The following SLC4A1AP variants were observed in gnomAD, a reference collection of about 807,000 sequenced individuals.
SLC4A1AP encodes the protein solute carrier family 4 member 1 adaptor protein.
In SLC4A1AP, 64 loss-of-function variants were observed where a neutral mutation model predicts 89.7. The ratio of observed to expected loss-of-function variants is 0.71; its 90% CI spans 0.58 to 0.88. SLC4A1AP has a LOEUF of 0.88. Ranked by LOEUF, SLC4A1AP falls within the 40% of genes least tolerant of loss-of-function variation. The probability of loss-of-function intolerance (pLI) is 0.00; values close to 1 mark genes in which losing one functional copy is unlikely to be tolerated. For synonymous variants in SLC4A1AP, 366 were observed against 353.3 expected, an observed-to-expected ratio of 1.04 and a Z score of -0.40; for missense variants, 931 against 965.0, an observed-to-expected ratio of 0.96 and a Z score of 0.47.
intron 10 of SLC4A1AP, 86 bp from the exon 11 acceptor site, chr2:27,687,848 C>T: frequency 1.0e-6 from 1 of 965,704 alleles, no homozygotes; most frequent in Non-Finnish European, 1.6e-6. Context: ...TACTTAGCTT[C>T]TCTTTCTCTT....
chr2:27,679,778 A>T (rs931141802), intron 8 of SLC4A1AP, among the ~76,000 whole-genome samples: 9 of 152,194 alleles, frequency 5.9e-5, no homozygotes, highest in Non-Finnish European at 1.3e-4. Flanking sequence ...GGAAGAATAC[A>T]TAGATAAGTA....
Position 27,688,729 on chromosome 2 carries a change from G to C in SLC4A1AP, c.2233G>C (p.Gly745Arg), listed in dbSNP as rs749568068. ...AAAGAATGAATATGAGAAAAGCAGA[G>C]GTGAATTGAAGAAAAAGAAAACACC... The change falls in exon 12 of 14, where the codon GGT (glycine) becomes CGT (arginine). Residue 745 changes from glycine (G) to arginine (R), a missense_variant. Transcript: ENST00000613058. The C allele has an allele frequency of 6.2e-6, 10 of 1,603,584 alleles. No homozygotes were observed. The South Asian group carries it at 6.8e-5, about 11-fold the overall frequency.
chr2:27,667,424 C>G (rs538920387), intron 3 of SLC4A1AP, 34 bp downstream of exon 3: 1 of 1,596,694 alleles, frequency 6.3e-7, no homozygotes, highest in South Asian at 1.1e-5. Flanking sequence ...ACCACTAAAA[C>G]ATATCCAGAG....
At chr2:27,672,311 T>G (rs903617801) in intron 5 of SLC4A1AP, among the ~76,000 whole-genome samples, 1 of 150,538 alleles carries the variant, frequency 6.6e-6, no homozygotes, top group African/African-American at 2.5e-5. Context: ...TTCTTCTTTT[T>G]TTCATCTGTA....
At chr2:27,684,855 T>C (rs1558509492) in intron 9 of SLC4A1AP, among the ~76,000 whole-genome samples, 182 bp from the exon 10 acceptor site, 1 of 152,308 alleles carries the variant, frequency 6.6e-6, no homozygotes, top group Middle Eastern at 3.4e-3. Context: ...TAAAGACACT[T>C]GTTTAGGGTC....
At chr2:27,687,429 A>G (rs961086168) in intron 10 of SLC4A1AP, among the ~76,000 whole-genome samples, 5 of 149,020 alleles carry the variant, frequency 3.4e-5, no homozygotes, top group Non-Finnish European at 6.0e-5. Context: ...CAAAAAATTA[A>G]AAAAAAAAAA....
intron 4 of SLC4A1AP, 106 bp from the exon 5 acceptor site, chr2:27,669,142 C>T (rs1217650028): frequency 8.0e-7 from 1 of 1,244,896 alleles, no homozygotes; most frequent in African/African-American, 1.5e-5. Flanking sequence ...GATTCAAAGA[C>T]TGAAAGGCCA....
exon 10 of SLC4A1AP, chr2:27,685,038 A>G: frequency 6.3e-7 from 1 of 1,593,654 alleles, no homozygotes; most frequent in Non-Finnish European, 8.5e-7. Flanking sequence ...CCCTCTTAGA[A>G]GTTACCCCCC....
At chr2:27,670,632 G>A (rs1254956753) in intron 5 of SLC4A1AP, among the ~76,000 whole-genome samples, 3 of 151,660 alleles carry the variant, frequency 2.0e-5, no homozygotes, top group East Asian at 2.0e-4. Flanking sequence ...CAAGGCAGGC[G>A]GATCACGAGG....
intron 5 of SLC4A1AP, among the ~76,000 whole-genome samples, chr2:27,673,422 CCCTCCCTCCCTCCCTCCCTCCCTT>C (rs1322187738): frequency 3.3e-5 from 3 of 91,406 alleles, no homozygotes; most frequent in South Asian, 1.0e-3. Context: ...CTCCCTCCCT[CCCTCCCTCCCTCCCTCCCTCCCTT>C]CCTTCCTTCC....
At chr2:27,688,436 A>G (rs1374464199) in intron 11 of SLC4A1AP, among the ~76,000 whole-genome samples, 1 of 152,248 alleles carries the variant, frequency 6.6e-6, no homozygotes, top group Non-Finnish European at 1.5e-5. Flanking sequence ...TAGTAAAATC[A>G]GCCTCATTTT....
exon 8 of SLC4A1AP, chr2:27,677,741 T>A (rs758073419): frequency 1.9e-6 from 3 of 1,597,662 alleles, no homozygotes; most frequent in African/African-American, 2.7e-5. Context: ...TGGACAGTTC[T>A]ATCAGAGTCT....
At chr2:27,677,946 A>C (rs1273200406) in intron 8 of SLC4A1AP, 22 bp downstream of exon 8, 5 of 1,481,858 alleles carry the variant, frequency 3.4e-6, no homozygotes, top group Non-Finnish European at 2.8e-6. Context: ...TTATATTTGG[A>C]ATTCTAAATA....
intron 12 of SLC4A1AP, among the ~76,000 whole-genome samples, chr2:27,689,064 C>T (rs1223568315): frequency 6.6e-6 from 1 of 152,090 alleles, no homozygotes; most frequent in Non-Finnish European, 1.5e-5. Flanking sequence ...CCTTTTATTA[C>T]ACAAAAGGTA....
intron 6 of SLC4A1AP, among the ~76,000 whole-genome samples, chr2:27,676,627 AC>A (rs1558507471): frequency 6.6e-6 from 1 of 151,354 alleles, no homozygotes; most frequent in East Asian, 2.0e-4. Context: ...TTCGAGACCC[AC>A]CTGACCAATG....
exon 11 of SLC4A1AP, chr2:27,688,004 G>A: frequency 1.2e-6 from 2 of 1,613,800 alleles, no homozygotes; most frequent in Non-Finnish European, 1.7e-6. Context: ...CCACTTCATT[G>A]TGCGCAGGAC....
exon 14 of SLC4A1AP, chr2:27,694,891 T>G (rs1042434777): frequency 4.9e-6 from 2 of 404,188 alleles, no homozygotes; most frequent in African/African-American, 4.1e-5. Flanking sequence ...TGTTTATATA[T>G]GTATGTAAAA....
chr2:27,688,385 T>G (rs1463514115), intron 11 of SLC4A1AP, among the ~76,000 whole-genome samples: 1 of 152,246 alleles, frequency 6.6e-6, no homozygotes, highest in Admixed American at 6.5e-5. Flanking sequence ...TTAAAAGGAC[T>G]GCTTTACTCT....
chr2:27,672,449 G>T (rs547003249), intron 5 of SLC4A1AP, among the ~76,000 whole-genome samples: 2 of 151,956 alleles, frequency 1.3e-5, no homozygotes, highest in Non-Finnish European at 2.9e-5. Flanking sequence ...TGCCAGAGAA[G>T]GCTCAGAGAC....
Sources: gnomAD v4.1 joint callset for allele counts (sites outside exome capture counted in the v4.1 genomes callset) on GRCh38, gnomAD v4.1.1 for gene constraint, MANE v1.5 for transcripts, NCBI Gene and HGNC (gene_info 2026-07-23, HGNC 2026-07-21) for gene names.